Variants in TNIK observed in about 807,000 individuals in gnomAD.
TNIK encodes the protein TRAF2 and NCK-interacting protein kinase.
In TNIK, 49 loss-of-function variants were observed where a neutral mutation model predicts 191.3. The ratio of observed to expected loss-of-function variants is 0.26; its 90% CI spans 0.20 to 0.32. The LOEUF (loss-of-function observed/expected upper bound fraction) is 0.32, where lower values mean the gene tolerates loss of function less well. Among genes scored for constraint, TNIK ranks in the 10% least tolerant of loss-of-function variants. The probability of loss-of-function intolerance (pLI) is 1.00; values close to 1 mark genes in which losing one functional copy is unlikely to be tolerated. For missense variants in TNIK, 1,155 were observed against 1,702.3 expected (o/e 0.68, Z 5.66); for synonymous variants, 594 against 600.9 (o/e 0.99, Z 0.17).
intron 22 of TNIK, among the ~76,000 whole-genome samples, chr3:171,096,720 A>G (rs1425535511): frequency 2.0e-5 from 3 of 152,132 alleles, no homozygotes; most frequent in Non-Finnish European, 4.4e-5. Flanking sequence ...CTACCACTGC[A>G]TTCAATACAC....
rs1215892005 is a variant in TNIK at position 171,140,524 on chromosome 3, GCAGA to G, written c.1222-19_1222-16del. The stretch of plus-strand genomic sequence containing the variant: ...CGCCTTTGTTGCTGTGGGGCAACAA[GCAGA>G]CAACCATGAAGGCAACAGGCCCCGG... On this transcript the variant is annotated splice_polypyrimidine_tract_variant and intron_variant, in intron 12 of 32. Coordinates refer to ENST00000436636, the MANE Select transcript of TNIK (RefSeq NM_015028.4). The G allele has an allele frequency of 7.4e-6, 12 of 1,611,478 alleles. No individual in the cohort carries two copies. Among genetic ancestry groups the G allele is most frequent in the Non-Finnish European group, 1.0e-5 (12 of 1,178,712 alleles).
chr3:171,132,757 T>C (rs1729480228), intron 15 of TNIK, among the ~76,000 whole-genome samples: 1 of 152,230 alleles, frequency 6.6e-6, no homozygotes, highest in Non-Finnish European at 1.5e-5. Context: ...ACAGCAAATA[T>C]ATATTTACTA....
intron 2 of TNIK, among the ~76,000 whole-genome samples, chr3:171,323,430 A>G (rs892114267): frequency 1.3e-5 from 2 of 152,150 alleles, no homozygotes; most frequent in South Asian, 4.1e-4. Context: ...CATAAGAGTG[A>G]TTTGTGGATT....
At chr3:171,244,086 A>G (rs1745307903) in intron 2 of TNIK, among the ~76,000 whole-genome samples, 1 of 143,502 alleles carries the variant, frequency 7.0e-6, no homozygotes. Flanking sequence ...TTTAAGACAG[A>G]GTCTCGCTCT....
chr3:171,222,458 CCT>C (rs1416267406), intron 3 of TNIK, among the ~76,000 whole-genome samples: 3 of 151,980 alleles, frequency 2.0e-5, no homozygotes, highest in African/African-American at 7.2e-5. Flanking sequence ...AGTATTAGCC[CCT>C]TTTTGGCCTG....
At chr3:171,381,620 T>A (rs1011411290) in intron 1 of TNIK, among the ~76,000 whole-genome samples, 3 of 152,170 alleles carry the variant, frequency 2.0e-5, no homozygotes, top group Non-Finnish European at 4.4e-5. Flanking sequence ...TTAACAAAAA[T>A]TCCAATTTTA....
rs770767722 is a variant in TNIK at position 171,087,392 on chromosome 3, C to G, written c.2836G>C (p.Gly946Arg). The change falls in exon 24 of 33, where the codon GGA (glycine) becomes CGA (arginine). Residue 946 changes from glycine to arginine, a missense_variant. By Grantham distance (125) the Gly-to-Arg change is moderately radical (BLOSUM62 -2). Around this residue, in one of 3 missense-constraint regions of TNIK, gnomAD observed 735 missense variants for 848.0 expected, o/e 0.87. Transcript: ENST00000436636. ...GAATGGGTTGAGACGCGCCCCAGTC[C>G]CTCAGTCGGGGTTCCAGCTGGAGAA... ...SHSPAGTPTE[G>R]LGRVSTHSQE... 8.7e-6 allele frequency: 14 copies of G among 1,613,960 alleles called. No homozygotes were observed. The highest frequency in any genetic ancestry group is 1.2e-5 in the Non-Finnish European group (14 of 1,179,890).
At chr3:171,069,631 CAA>C (rs1291131563) in intron 29 of TNIK, among the ~76,000 whole-genome samples, 1 of 152,110 alleles carries the variant, frequency 6.6e-6, no homozygotes, top group African/African-American at 2.4e-5. Flanking sequence ...AACTAGAAAG[CAA>C]AAAGAGAGAT....
At chr3:171,161,036 T>A (rs1454844945) in intron 11 of TNIK, among the ~76,000 whole-genome samples, 1 of 152,234 alleles carries the variant, frequency 6.6e-6, no homozygotes, top group Non-Finnish European at 1.5e-5. Context: ...GCTCTTACGA[T>A]AGAGACCATA....
intron 2 of TNIK, among the ~76,000 whole-genome samples, chr3:171,287,091 G>A (rs1751089384): frequency 6.6e-6 from 1 of 152,174 alleles, no homozygotes; most frequent in Admixed American, 6.5e-5. Flanking sequence ...GCTAAGGCAA[G>A]TAGGGGTTTT....
chr3:171,256,315 C>A (rs1746864513), intron 2 of TNIK, among the ~76,000 whole-genome samples: 1 of 152,116 alleles, frequency 6.6e-6, no homozygotes, highest in African/African-American at 2.4e-5. Flanking sequence ...TAGAGAAATA[C>A]CAGCTGAAAT....
At chr3:171,117,884 C>G (rs973374917) in intron 18 of TNIK, among the ~76,000 whole-genome samples, 27 of 152,046 alleles carry the variant, frequency 1.8e-4, no homozygotes, top group African/African-American at 6.5e-4. Flanking sequence ...GCAGGAGAAT[C>G]GCCTGAACCT....
chr3:171,438,861 G>T (rs1726380388), intron 1 of TNIK, among the ~76,000 whole-genome samples: 1 of 152,082 alleles, frequency 6.6e-6, no homozygotes, highest in East Asian at 1.9e-4. Flanking sequence ...CACGCTCCAG[G>T]TTCAACCCCA....
intron 2 of TNIK, among the ~76,000 whole-genome samples, chr3:171,368,921 A>C (rs899380017): frequency 1.5e-5 from 2 of 135,106 alleles, no homozygotes; most frequent in East Asian, 2.1e-4. Flanking sequence ...GTCCAAAAAC[A>C]GTTCACTTTC....
In TNIK at chr3:171,061,014, T is replaced by C. The variant is rs1208634366; in HGVS notation, c.*2867A>G. ...AAATCACCTATAAAAAGATCAGAAC[T>C]GAAGATTTTTTTTGTTGAGATGCTA... On this transcript the variant is annotated 3_prime_UTR_variant, in exon 33 of 33. Transcript: ENST00000436636. Among the ~76,000 whole-genome samples the C allele has an allele frequency of 1.3e-5, 2 of 152,040 alleles. No individual in the cohort carries two copies. Among genetic ancestry groups the C allele is most frequent in the Admixed American group, 6.6e-5 (1 of 15,244 alleles).
At position 171,066,643 on chromosome 3, in the gene TNIK, A is replaced by G. The variant is rs758500211; in HGVS notation, c.3792T>C (p.Tyr1264=). 4 of 1,613,830 alleles carry G rather than the reference A, an allele frequency of 2.5e-6. No homozygotes were observed. Among genetic ancestry groups the G allele is most frequent in the East Asian group, 2.2e-5 (1 of 44,850 alleles). The change falls in exon 31 of 33, where the codon TAT becomes TAC. Residue 1264 remains tyrosine (Y), a synonymous_variant. Coordinates refer to ENST00000436636, the MANE Select transcript of TNIK (RefSeq NM_015028.4). ...MLVCYEDEGV[Y]VNTYGRITKD... Reference sequence around the variant, plus strand: ...TAGTTATCCGGCCATAGGTGTTTACATACACCCCCTCATCCTCATAGCAAA... The same window carrying G: ...TAGTTATCCGGCCATAGGTGTTTACGTACACCCCCTCATCCTCATAGCAAA...
chr3:171,270,061 C>T (rs895022044), intron 2 of TNIK, among the ~76,000 whole-genome samples: 10 of 152,254 alleles, frequency 6.6e-5, no homozygotes, highest in South Asian at 2.1e-4. Context: ...CATGCATATA[C>T]ACCCACATTT....
rs531006788 is a variant in TNIK at position 171,329,091 on chromosome 3, C to T, written c.123+40529G>A. ...TGAAGCAAGAATCCCTTGCTATATACACACACACACATACACACACTCCTT... is the reference window on the plus strand; with the variant it reads ...TGAAGCAAGAATCCCTTGCTATATATACACACACACATACACACACTCCTT... On this transcript the variant is annotated intron_variant, in intron 2 of 32. Coordinates refer to ENST00000436636, the MANE Select transcript of TNIK (RefSeq NM_015028.4). Among the ~76,000 whole-genome samples the T allele has an allele frequency of 4.6e-5, 7 of 151,890 alleles. No homozygotes were observed. In the East Asian group the frequency reaches 5.8e-4, roughly 13 times the overall value.
At chr3:171,124,599 G>A (rs1053454738) in intron 17 of TNIK, among the ~76,000 whole-genome samples, 1 of 152,116 alleles carries the variant, frequency 6.6e-6, no homozygotes, top group Non-Finnish European at 1.5e-5. Flanking sequence ...GTCATCCTTT[G>A]TTTTGAAAAT....
Sources: gnomAD v4.1 joint callset for allele counts (sites outside exome capture counted in the v4.1 genomes callset) on GRCh38, gnomAD v4.1.1 for gene constraint, gnomAD v4.1.1 regional missense constraint, MANE v1.5 for transcripts, NCBI Gene and HGNC (gene_info 2026-07-23, HGNC 2026-07-21) for gene names.